The following HS6ST2 variants were observed in gnomAD, a reference collection of about 807,000 sequenced individuals.
HS6ST2 encodes the protein heparan sulfate 6-O-sulfotransferase 2.
In HS6ST2, 17 loss-of-function variants were observed where a neutral mutation model predicts 33.0. That is an observed-to-expected ratio of 0.52 (90% CI 0.35 to 0.77). The LOEUF is 0.77. HS6ST2 is among the 30% of genes least tolerant of loss of function. The pLI is 0.01. For synonymous variants in HS6ST2, 248 were observed against 237.1 expected, an observed-to-expected ratio of 1.05 and a Z score of -0.42; for missense variants, 519 against 551.7, an observed-to-expected ratio of 0.94 and a Z score of 0.59.
At position 132,801,583 on chromosome X, in the gene HS6ST2, G is replaced by A. The variant is rs751194592; in HGVS notation, c.948-93089C>T. On this transcript the variant is annotated intron_variant, in intron 2 of 4. Coordinates refer to ENST00000370833, the MANE Select transcript of HS6ST2 (RefSeq NM_001394073.1). ...GCCAGTAGAATTGCAGCGCCAGGTG[G>A]ATGCTATCTGTTTCCTTCCTCCCTT... 3.6e-5 allele frequency among the ~76,000 whole-genome samples: 4 copies of A among 111,707 alleles called. No individual in the cohort carries two copies. The East Asian group carries it at 1.1e-3, about 32-fold the overall frequency.
At chrX:132,904,021 A>ACTTCCC (rs1282831534) in intron 2 of HS6ST2, among the ~76,000 whole-genome samples, 1 of 111,642 alleles carries the variant, frequency 9.0e-6, no homozygotes, top group Non-Finnish European at 1.9e-5. Flanking sequence ...CTAGTCATCA[A>ACTTCCC]CTTCCCCTCC....
chrX:132,859,724 G>A (rs2065891264), intron 2 of HS6ST2, among the ~76,000 whole-genome samples: 2 of 94,684 alleles, frequency 2.1e-5, no homozygotes, highest in Admixed American at 2.4e-4. Context: ...CAGGAAGGGA[G>A]GGAGGAAGGG....
At chrX:132,877,696 G>T (rs191031259) in intron 2 of HS6ST2, among the ~76,000 whole-genome samples, 1 of 111,274 alleles carries the variant, frequency 9.0e-6, no homozygotes, top group Non-Finnish European at 1.9e-5. Context: ...CTGTAGGATC[G>T]AATCCAAACT....
intron 2 of HS6ST2, among the ~76,000 whole-genome samples, chrX:132,811,134 C>T (rs1483257894): frequency 9.0e-6 from 1 of 111,705 alleles, no homozygotes; most frequent in Non-Finnish European, 1.9e-5. Context: ...ATTGTGTACA[C>T]AGCAGTGAGA....
rs2063550151 is a variant in HS6ST2 at position 132,636,186 on chromosome X, T to C, written c.1068-7093A>G. On this transcript the variant is annotated intron_variant, in intron 4 of 4. Coordinates refer to ENST00000370833, the MANE Select transcript of HS6ST2 (RefSeq NM_001394073.1). ...CATAAAGTAAGCAATTAATAAAAGATTGTTGAATGAATTTCTGCAGGAGAA... is the reference window on the plus strand; with the variant it reads ...CATAAAGTAAGCAATTAATAAAAGACTGTTGAATGAATTTCTGCAGGAGAA... 2.7e-5 allele frequency among the ~76,000 whole-genome samples: 3 copies of C among 111,826 alleles called. No homozygotes were observed. In the Admixed American group the frequency reaches 2.9e-4, roughly 11 times the overall value.
At chrX:132,688,402 A>G (rs2064035749) in intron 3 of HS6ST2, among the ~76,000 whole-genome samples, 1 of 112,324 alleles carries the variant, frequency 8.9e-6, no homozygotes, top group Non-Finnish European at 1.9e-5. Flanking sequence ...CATGCTGCTA[A>G]TAAAGACATA....
At chrX:132,637,900 A>AATATTATATATAATATTTTATATAT (rs1569476009) in intron 4 of HS6ST2, among the ~76,000 whole-genome samples, 3 of 45,640 alleles carry the variant, frequency 6.6e-5, no homozygotes. Flanking sequence ...TTTTATATAT[A>AATATTATATATAATATTTTATATAT]ATATTATATA....
intron 4 of HS6ST2, among the ~76,000 whole-genome samples, chrX:132,642,006 C>T (rs183228568): frequency 1.8e-5 from 2 of 112,108 alleles, no homozygotes; most frequent in Non-Finnish European, 3.8e-5. Flanking sequence ...TCGTATTCTA[C>T]GGATCCCGAA....
chrX:132,650,741 A>ATCTC (rs3066707), intron 4 of HS6ST2, among the ~76,000 whole-genome samples: 8,518 of 87,026 alleles, frequency 0.098, 394 homozygotes, highest in African/African-American at 0.12. Flanking sequence ...CATAGGAGGG[A>ATCTC]TCTCTCTCTC....
chrX:132,734,846 C>A (rs1009483541), intron 2 of HS6ST2, among the ~76,000 whole-genome samples: 2 of 112,298 alleles, frequency 1.8e-5, no homozygotes, highest in African/African-American at 6.5e-5. Flanking sequence ...GGCCTGGATA[C>A]CGTCTTTAGC....
Position 132,777,268 on chromosome X carries a change from G to A in HS6ST2, c.948-68774C>T, listed in dbSNP as rs149819803. ...GAGCAGGAACATTGGCATTCCCTGT[G>A]TCTAGCACGGTGCTGAGTACCTACA... On this transcript the variant is annotated intron_variant, in intron 2 of 4. Transcript: ENST00000370833. Among the ~76,000 whole-genome samples the A allele has an allele frequency of 2.6e-3, 283 of 108,340 alleles. 1 individual carries two copies. The highest frequency in any genetic ancestry group is 9.0e-3 in the African/African-American group (268 of 29,681). The allele number at this position is 108,340 out of a possible 115,157, so 94.1% of individuals were successfully genotyped here.
intron 4 of HS6ST2, among the ~76,000 whole-genome samples, chrX:132,651,046 C>T (rs12012947): frequency 0.3 from 33,514 of 110,821 alleles, 5,374 homozygotes; most frequent in African/African-American, 0.61. Flanking sequence ...GGAGTTCAGG[C>T]GTGAGCCACC....
intron 2 of HS6ST2, among the ~76,000 whole-genome samples, chrX:132,877,254 C>A (rs1197367976): frequency 8.9e-6 from 1 of 111,769 alleles, no homozygotes; most frequent in African/African-American, 3.3e-5. Flanking sequence ...TTAATCCTCA[C>A]AATAACCCAA....
In HS6ST2 at chrX:132,626,088, A is replaced by G. The variant is rs1021371337; in HGVS notation, c.*2135T>C. 5.3e-5 allele frequency: 6 copies of G among 112,736 alleles called. No individual in the cohort carries two copies. Among genetic ancestry groups the G allele is most frequent in the African/African-American group, 1.9e-4 (6 of 30,952 alleles). 9.3% of individuals were successfully genotyped at this position (112,736 alleles called of 1,213,427 possible). On this transcript the variant is annotated 3_prime_UTR_variant, in exon 5 of 5. Coordinates refer to ENST00000370833, the MANE Select transcript of HS6ST2 (RefSeq NM_001394073.1). ...GTGAATGGTTTGTAAAGCTACACCAATGGACAGATGTTTACAGTTGAAATC... is the reference window on the plus strand; with the variant it reads ...GTGAATGGTTTGTAAAGCTACACCAGTGGACAGATGTTTACAGTTGAAATC...
At chrX:132,933,105 T>A (rs988634305) in intron 2 of HS6ST2, among the ~76,000 whole-genome samples, 5 of 109,552 alleles carry the variant, frequency 4.6e-5, no homozygotes, top group Non-Finnish European at 9.5e-5. Flanking sequence ...GGTAGGCAGA[T>A]CACTTGAGGC....
chrX:132,632,192 G>A (rs1446334688), intron 4 of HS6ST2, among the ~76,000 whole-genome samples: 1 of 111,271 alleles, frequency 9.0e-6, no homozygotes, highest in East Asian at 2.8e-4. Flanking sequence ...GACAAAACCT[G>A]CAGAGATTCA....
chrX:132,714,323 C>T (rs1031415527), intron 2 of HS6ST2, among the ~76,000 whole-genome samples: 2 of 109,949 alleles, frequency 1.8e-5, no homozygotes, highest in Non-Finnish European at 3.8e-5. Context: ...TTCATGATAA[C>T]ATTTTTTTTT....
intron 2 of HS6ST2, among the ~76,000 whole-genome samples, chrX:132,913,970 C>G (rs1602863824): frequency 1.8e-5 from 2 of 111,752 alleles, no homozygotes; most frequent in Middle Eastern, 9.3e-3. Context: ...TAACCAGCCC[C>G]TCTCCCCCTC....
intron 2 of HS6ST2, among the ~76,000 whole-genome samples, chrX:132,736,708 C>T (rs779877119): frequency 1.8e-5 from 2 of 111,480 alleles, no homozygotes; most frequent in South Asian, 3.8e-4. Flanking sequence ...GTAGTCACAC[C>T]GTTGATATTG....
Sources: gnomAD v4.1 joint callset for allele counts (sites outside exome capture counted in the v4.1 genomes callset) on GRCh38, gnomAD v4.1.1 for gene constraint, MANE v1.5 for transcripts, NCBI Gene and HGNC (gene_info 2026-07-23, HGNC 2026-07-21) for gene names.